The following GATA5 variants were observed in gnomAD, a reference collection of about 807,000 sequenced individuals.
GATA5 encodes GATA binding protein 5.
In GATA5, 27 loss-of-function variants were observed where a neutral mutation model predicts 35.0. The ratio of observed to expected loss-of-function variants is 0.77; its 90% CI spans 0.57 to 1.06. GATA5 has a LOEUF of 1.06. Among genes scored for constraint, GATA5 ranks in the 50% least tolerant of loss-of-function variants. GATA5 has a pLI of 0.00. For missense variants in GATA5, 612 were observed against 580.0 expected, an observed-to-expected ratio of 1.06 and a Z score of -0.57; for synonymous variants, 306 against 267.8, an observed-to-expected ratio of 1.14 and a Z score of -1.39.
rs1601520769 is a variant in GATA5 at position 62,475,383 on chromosome 20, A to T, written c.139T>A (p.Ser47Thr). The change falls in exon 2 of 7, where the codon TCC becomes ACC. Residue 47 changes from serine (S) to threonine (T), a missense_variant. By Grantham distance (58) the Ser-to-Thr change is moderately conservative. Transcript: ENST00000252997. Reference protein sequence around the residue: ...ARVPSMLSYLSGCEPSPQPPE... With the variant: ...ARVPSMLSYLTGCEPSPQPPE... ...GGCTGCGGGCTCGGCTCACACCCGG[A>T]CAGGTAGGACAGCATCGAGGGGACG... 1 of 1,324,844 alleles carries T rather than the reference A, an allele frequency of 7.5e-7. No individual in the cohort carries two copies. The highest frequency in any genetic ancestry group is 3.1e-5 in the East Asian group (1 of 32,426). 82.1% of individuals were successfully genotyped at this position (1,324,844 alleles called of 1,614,324 possible). A position where few individuals can be genotyped will look rare whatever the true frequency, so the allele number is the denominator to read the frequency against.
chr20:62,468,517 C>T (rs782657317), intron 3 of GATA5, among the ~76,000 whole-genome samples: 1 of 152,272 alleles, frequency 6.6e-6, no homozygotes, highest in Non-Finnish European at 1.5e-5. Context: ...GCCACAGCTG[C>T]AGGCAGTTGC....
chr20:62,473,553 C>G lies in GATA5; in HGVS notation c.549G>C (p.Pro183=), dbSNP rs375857054. The change falls in exon 3 of 7, where the codon CCG becomes CCC. Residue 183 remains proline, a synonymous_variant. Coordinates refer to ENST00000252997, the MANE Select transcript of GATA5 (RefSeq NM_080473.5). The stretch of plus-strand genomic sequence containing the variant: ...AGTTGACACACTCACGACCCTCACC[C>G]GGGAACTCCTCCAAGAAGTCGGACA... The part of the protein sequence containing the change: ...TFVSDFLEEF[P]GEGRECVNCG... 6 of 1,601,718 alleles carry G rather than the reference C, an allele frequency of 3.7e-6. No individual in the cohort carries two copies. Among genetic ancestry groups the G allele is most frequent in the East Asian group, 4.5e-5 (2 of 44,260 alleles).
rs1989497658 is a variant in GATA5 at position 62,463,652 on chromosome 20, C to T, written c.*1184G>A. On this transcript the variant is annotated 3_prime_UTR_variant, in exon 7 of 7. Coordinates refer to ENST00000252997, the MANE Select transcript of GATA5 (RefSeq NM_080473.5). ...AAGCTGATGCCAGACAACTGTTTTT[C>T]AATATGGGGTGGTGCACTGGGGGTC... 1 of 152,162 alleles carries T rather than the reference C, an allele frequency of 6.6e-6. No homozygotes were observed. Among genetic ancestry groups the T allele is most frequent in the Non-Finnish European group, 1.5e-5 (1 of 68,040 alleles). 9.4% of individuals were successfully genotyped at this position (152,162 alleles called of 1,614,324 possible). A position where few individuals can be genotyped will look rare whatever the true frequency, so the allele number is the denominator to read the frequency against.
intron 2 of GATA5, among the ~76,000 whole-genome samples, chr20:62,473,874 C>T (rs1469983792): frequency 6.6e-6 from 1 of 152,188 alleles, no homozygotes; most frequent in Non-Finnish European, 1.5e-5. Flanking sequence ...GCTCCGGGAC[C>T]GGGGGCCAGC....
In GATA5 at chr20:62,464,396, C is replaced by G. The variant is rs1354551878; in HGVS notation, c.*440G>C. On this transcript the variant is annotated 3_prime_UTR_variant, in exon 7 of 7. Coordinates refer to ENST00000252997, the MANE Select transcript of GATA5 (RefSeq NM_080473.5). ...GTCCAGCTGCTCCCCTCATTCCTCTCCCCTGCTTGGCCTCAGGTGCTTCAC... is the reference window on the plus strand; with the variant it reads ...GTCCAGCTGCTCCCCTCATTCCTCTGCCCTGCTTGGCCTCAGGTGCTTCAC... 6.5e-6 allele frequency: 1 copy of G among 153,580 alleles called. No homozygotes were observed. The highest frequency in any genetic ancestry group is 1.4e-5 in the Non-Finnish European group (1 of 68,976). The allele number at this position is 153,580 out of a possible 1,614,324, so 9.5% of individuals were successfully genotyped here. A position where few individuals can be genotyped will look rare whatever the true frequency, so the allele number is the denominator to read the frequency against.
rs770142128 is a variant in GATA5 at position 62,470,680 on chromosome 20, A to G, written c.699+2723T>C. Among the ~76,000 whole-genome samples the G allele has an allele frequency of 8.5e-5, 13 of 152,090 alleles. No individual in the cohort carries two copies. The highest frequency in any genetic ancestry group is 2.6e-4 in the Admixed American group (4 of 15,278). ...CTGGTGCCAGAGGTGGCTCAGGGCTAGGAGGTCTGCTGTCCGCACTGCCCT... is the reference window on the plus strand; with the variant it reads ...CTGGTGCCAGAGGTGGCTCAGGGCTGGGAGGTCTGCTGTCCGCACTGCCCT... On this transcript the variant is annotated intron_variant, in intron 3 of 6. Coordinates refer to ENST00000252997, the MANE Select transcript of GATA5 (RefSeq NM_080473.5). The surrounding 1 kb of genome is among the most constrained non-coding windows in gnomAD (Gnocchi z 4.6).
rs555027979 is a variant in GATA5 at position 62,465,473 on chromosome 20, G to A, written c.914-9C>T. ...GGCATTCCTTGTGGATCCTGGAAGC[G>A]AAGAGGGGGTGTTTACAGAGGGGTC... On this transcript the variant is annotated splice_polypyrimidine_tract_variant and intron_variant, in intron 5 of 6. Coordinates refer to ENST00000252997, the MANE Select transcript of GATA5 (RefSeq NM_080473.5). 8.7e-6 allele frequency: 14 copies of A among 1,604,708 alleles called. No homozygotes were observed. Among genetic ancestry groups the A allele is most frequent in the East Asian group, 6.7e-5 (3 of 44,850 alleles).
chr20:62,472,639 C>A (rs1484518612), intron 3 of GATA5, among the ~76,000 whole-genome samples: 2 of 152,246 alleles, frequency 1.3e-5, no homozygotes, highest in Admixed American at 1.3e-4. Context: ...CACCCCAAAT[C>A]CTTATTTGTA....
Position 62,470,707 on chromosome 20 carries a change from G to C in GATA5, c.699+2696C>G, listed in dbSNP as rs1989700344. On this transcript the variant is annotated intron_variant, in intron 3 of 6. Coordinates refer to ENST00000252997, the MANE Select transcript of GATA5 (RefSeq NM_080473.5). This position sits in a 1 kb window ranked among gnomAD's most constrained non-coding sequence, Gnocchi z 4.6. ...GAGGTCTGCTGTCCGCACTGCCCTT[G>C]GCTGCCGGGCCCCAGGCTTCAGCCG... Among the ~76,000 whole-genome samples, 1 of 152,174 alleles carries C rather than the reference G, an allele frequency of 6.6e-6. No individual in the cohort carries two copies. The highest frequency in any genetic ancestry group is 2.1e-4 in the South Asian group (1 of 4,826).
chr20:62,474,703 CAA>C (rs1989809159), intron 2 of GATA5, among the ~76,000 whole-genome samples: 1 of 152,206 alleles, frequency 6.6e-6, no homozygotes, highest in African/African-American at 2.4e-5. Context: ...CAAAACTTTT[CAA>C]AAACAAAAAC....
chr20:62,465,711 G>T, intron 5 of GATA5, 123 bp downstream of exon 5: 3 of 897,734 alleles, frequency 3.3e-6, no homozygotes, highest in Non-Finnish European at 5.2e-6. Context: ...GGGCAGAGCT[G>T]GGGGCATTTG....
chr20:62,475,030 C>T lies in GATA5; in HGVS notation c.492G>A (p.Leu164=). ...WTAGPFDGSV[L]HGLPGRRPTF... ...TGGGCCTGCGGCCTGGGAGGCCGTG[C>T]AGGACGCTGCCATCGAAGGGCCCGG... The change falls in exon 2 of 7, where the codon CTG becomes CTA. Residue 164 remains leucine, a synonymous_variant. Coordinates refer to ENST00000252997, the MANE Select transcript of GATA5 (RefSeq NM_080473.5). The T allele has an allele frequency of 1.4e-6, 2 of 1,392,400 alleles. No individual in the cohort carries two copies. The highest frequency in any genetic ancestry group is 1.9e-6 in the Non-Finnish European group (2 of 1,068,340). The allele number at this position is 1,392,400 out of a possible 1,614,324, so 86.3% of individuals were successfully genotyped here. A position where few individuals can be genotyped will look rare whatever the true frequency, so the allele number is the denominator to read the frequency against.
chr20:62,475,845 A>T, intron 1 of GATA5, 85 bp downstream of exon 1: 1 of 200,196 alleles, frequency 5.0e-6, no homozygotes, highest in Non-Finnish European at 1.0e-5. Context: ...CGCAGGACGC[A>T]GGGCCTGGAG....
In GATA5 at chr20:62,475,389, A is replaced by G. The variant is rs1452168504; in HGVS notation, c.133T>C (p.Tyr45His). 3.0e-6 allele frequency: 4 copies of G among 1,346,094 alleles called. No homozygotes were observed. Among genetic ancestry groups the G allele is most frequent in the South Asian group, 1.9e-5 (1 of 51,724 alleles). The allele number at this position is 1,346,094 out of a possible 1,614,324, so 83.4% of individuals were successfully genotyped here. A position where few individuals can be genotyped will look rare whatever the true frequency, so the allele number is the denominator to read the frequency against. Residue 45 changes from tyrosine (Y) to histidine (H), a missense_variant, in exon 2 of 7, where the codon TAC becomes CAC. Physicochemically the swap from Tyr to His is moderately conservative, Grantham distance 83. Transcript: ENST00000252997. ...GGGCTCGGCTCACACCCGGACAGGT[A>G]GGACAGCATCGAGGGGACGCGCGCC... The part of the protein sequence containing the change: ...PPARVPSMLS[Y>H]LSGCEPSPQP...
chr20:62,465,397 C>G lies in GATA5; in HGVS notation c.981G>C (p.Ser327=), dbSNP rs6061243. 0.5 allele frequency: 794,997 copies of G among 1,604,128 alleles called. 198,932 individuals are homozygous for G. Among genetic ancestry groups the G allele is most frequent in the African/African-American group, 0.67 (50,148 of 74,876 alleles). The stretch of plus-strand genomic sequence containing the variant: ...GGGACGCCAGGCTGGGCTTGGCTTT[C>G]GAAGTGGCTGCTGAGCTGTCAGTGC... ...VASTDSSAAT[S]KAKPSLASPV... Residue 327 remains serine (S), a synonymous_variant, in exon 6 of 7, where the codon TCG becomes TCC. Coordinates refer to ENST00000252997, the MANE Select transcript of GATA5 (RefSeq NM_080473.5).
chr20:62,464,730 T>G lies in GATA5; in HGVS notation c.*106A>C. The G allele has an allele frequency of 2.0e-6, 2 of 1,001,200 alleles. No individual in the cohort carries two copies. The highest frequency in any genetic ancestry group is 1.4e-6 in the Non-Finnish European group (1 of 699,824). 62.0% of individuals were successfully genotyped at this position (1,001,200 alleles called of 1,614,324 possible). ...ACTCCAGCAGACCCAGTCTCTGGGTTGGGGGGCCTGCTGGTCTCTGCTGTG... is the reference window on the plus strand; with the variant it reads ...ACTCCAGCAGACCCAGTCTCTGGGTGGGGGGGCCTGCTGGTCTCTGCTGTG... On this transcript the variant is annotated 3_prime_UTR_variant, in exon 7 of 7. Transcript: ENST00000252997.
chr20:62,472,693 C>A (rs192688612), intron 3 of GATA5, among the ~76,000 whole-genome samples: 1 of 152,208 alleles, frequency 6.6e-6, no homozygotes, highest in Non-Finnish European at 1.5e-5. Context: ...ACGTATAGAA[C>A]AAAGCAACTT....
chr20:62,467,756 C>G (rs1989626346), intron 3 of GATA5, among the ~76,000 whole-genome samples: 1 of 152,258 alleles, frequency 6.6e-6, no homozygotes, highest in African/African-American at 2.4e-5. Context: ...AGCCATGCCC[C>G]CAGATTCTCT....
At position 62,463,659 on chromosome 20, in the gene GATA5, G is replaced by A. The variant is rs1989498012; in HGVS notation, c.*1177C>T. ...TGCCAGACAACTGTTTTTCAATATG[G>A]GGTGGTGCACTGGGGGTCTAGCTGG... is the stretch of plus-strand genomic sequence containing the variant. On this transcript the variant is annotated 3_prime_UTR_variant, in exon 7 of 7. Transcript: ENST00000252997. The A allele has an allele frequency of 6.6e-6, 1 of 152,246 alleles. No homozygotes were observed. The highest frequency in any genetic ancestry group is 2.4e-5 in the African/African-American group (1 of 41,450). 9.4% of individuals were successfully genotyped at this position (152,246 alleles called of 1,614,324 possible).
Sources: gnomAD v4.1 joint callset for allele counts (sites outside exome capture counted in the v4.1 genomes callset) on GRCh38, gnomAD v4.1.1 for gene constraint, Gnocchi (gnomAD v3.1) non-coding constraint, MANE v1.5 for transcripts, NCBI Gene and HGNC (gene_info 2026-07-23, HGNC 2026-07-21) for gene names.